The following NPAS3 variants were observed in gnomAD, a reference collection of about 807,000 sequenced individuals.
The protein encoded by NPAS3 is neuronal PAS domain-containing protein 3.
NPAS3 carries 14 observed loss-of-function variants against 73.1 expected under a neutral mutation model. That is an observed-to-expected ratio of 0.19 (90% CI 0.13 to 0.30). The LOEUF (loss-of-function observed/expected upper bound fraction) is 0.30. Among genes scored for constraint, NPAS3 ranks in the 10% least tolerant of loss-of-function variants. The pLI is 1.00. For synonymous variants in NPAS3, 620 were observed against 541.5 expected (o/e 1.14, Z -2.01); for missense variants, 1,096 against 1,250.0 (o/e 0.88, Z 1.86).
At chr14:33,147,572 G>A (rs932334984) in intron 2 of NPAS3, among the ~76,000 whole-genome samples, 2 of 150,860 alleles carry the variant, frequency 1.3e-5, no homozygotes, top group African/African-American at 2.4e-5. Flanking sequence ...ATCACACACC[G>A]GGGCCTGTTG....
At chr14:33,185,143 A>T (rs1368051128) in intron 2 of NPAS3, among the ~76,000 whole-genome samples, 1 of 152,188 alleles carries the variant, frequency 6.6e-6, no homozygotes, top group East Asian at 1.9e-4. Context: ...CCTTTTCAGG[A>T]TTCTTATCGT....
chr14:33,555,358 C>A (rs2055305562), intron 4 of NPAS3, among the ~76,000 whole-genome samples: 2 of 152,176 alleles, frequency 1.3e-5, no homozygotes, highest in African/African-American at 4.8e-5. Context: ...AGTTAATAAT[C>A]AGAAAATTCT....
intron 4 of NPAS3, among the ~76,000 whole-genome samples, chr14:33,541,096 G>GGGGTGT (rs1555409250): frequency 0.046 from 6,593 of 142,796 alleles, 219 homozygotes; most frequent in African/African-American, 0.092. Context: ...TATGTTTAGA[G>GGGGTGT]GTGTGTGTGT....
intron 2 of NPAS3, among the ~76,000 whole-genome samples, chr14:33,116,017 A>G (rs2043054219): frequency 6.6e-6 from 1 of 152,126 alleles, no homozygotes; most frequent in Non-Finnish European, 1.5e-5. Flanking sequence ...TATTTGCAAT[A>G]CACAGATGGG....
At chr14:33,487,887 A>G (rs984208094) in intron 4 of NPAS3, among the ~76,000 whole-genome samples, 1 of 152,170 alleles carries the variant, frequency 6.6e-6, no homozygotes, top group East Asian at 1.9e-4. Flanking sequence ...GAGTTACTGA[A>G]TAATTATTTC....
chr14:33,143,697 C>T (rs2044142095), intron 2 of NPAS3, among the ~76,000 whole-genome samples: 1 of 152,120 alleles, frequency 6.6e-6, no homozygotes, highest in Non-Finnish European at 1.5e-5. Flanking sequence ...AATGAAACCT[C>T]ATACCCATTA....
chr14:33,239,900 C>T (rs1481658724), intron 3 of NPAS3, among the ~76,000 whole-genome samples: 5 of 151,552 alleles, frequency 3.3e-5, no homozygotes, highest in African/African-American at 9.7e-5. Context: ...GTGCAGTAAC[C>T]GAAGAAAAAC....
At chr14:33,642,588 CA>C (rs1333420039) in intron 5 of NPAS3, among the ~76,000 whole-genome samples, 1 of 152,170 alleles carries the variant, frequency 6.6e-6, no homozygotes, top group Non-Finnish European at 1.5e-5. Flanking sequence ...TCTGCAGGAA[CA>C]GTGTAGGGTC....
intron 2 of NPAS3, among the ~76,000 whole-genome samples, chr14:33,192,753 A>C (rs1040264987): frequency 1.3e-5 from 2 of 152,220 alleles, no homozygotes; most frequent in Non-Finnish European, 2.9e-5. Context: ...AAATTGAATT[A>C]ATTGCTCTTC....
chr14:33,791,222 A>G (rs1022553347), intron 9 of NPAS3, among the ~76,000 whole-genome samples: 1 of 152,208 alleles, frequency 6.6e-6, no homozygotes, highest in African/African-American at 2.4e-5. Flanking sequence ...TATTCACCAC[A>G]GGAAGTCAAG....
chr14:33,296,687 AT>A (rs1239703623), intron 3 of NPAS3, among the ~76,000 whole-genome samples: 1 of 152,226 alleles, frequency 6.6e-6, no homozygotes. Flanking sequence ...TAGCCACAGA[AT>A]TCTGAGTAGA....
At chr14:33,576,740 G>C (rs775163875) in intron 5 of NPAS3, among the ~76,000 whole-genome samples, 1 of 152,112 alleles carries the variant, frequency 6.6e-6, no homozygotes, top group Non-Finnish European at 1.5e-5. Flanking sequence ...CTTCTGATAC[G>C]AATCGAGAAT....
At chr14:33,009,814 T>A (rs2039127660) in intron 1 of NPAS3, among the ~76,000 whole-genome samples, 1 of 152,064 alleles carries the variant, frequency 6.6e-6, no homozygotes, top group Non-Finnish European at 1.5e-5. Flanking sequence ...ACACTTTCTG[T>A]CTAACTCCAG....
At position 32,943,726 on chromosome 14, in the gene NPAS3, C is replaced by G. The variant is rs1010941533; in HGVS notation, c.50+4360C>G. Among the ~76,000 whole-genome samples, 5 of 128,114 alleles carry G rather than the reference C, an allele frequency of 3.9e-5. No individual in the cohort carries two copies. In the East Asian group the frequency reaches 9.5e-4, roughly 24 times the overall value. 84.0% of individuals were successfully genotyped at this position (128,114 alleles called of 152,430 possible). A position where few individuals can be genotyped will look rare whatever the true frequency, so the allele number is the denominator to read the frequency against. Reference sequence around the variant, plus strand: ...TTTTTTTTTTAGACAGAGTCTTGCTCTGTTGCCCAGGCATGCTGGAGTGCA... The same window carrying G: ...TTTTTTTTTTAGACAGAGTCTTGCTGTGTTGCCCAGGCATGCTGGAGTGCA... On this transcript the variant is annotated intron_variant, in intron 1 of 11. Transcript: ENST00000356141.
At chr14:33,593,558 G>A (rs909215318) in intron 5 of NPAS3, among the ~76,000 whole-genome samples, 1 of 152,166 alleles carries the variant, frequency 6.6e-6, no homozygotes, top group Non-Finnish European at 1.5e-5. Context: ...AGCCAGCCCT[G>A]AGTCCATTCT....
chr14:32,989,365 C>A (rs1566437229), intron 1 of NPAS3, among the ~76,000 whole-genome samples: 1 of 152,148 alleles, frequency 6.6e-6, no homozygotes, highest in Non-Finnish European at 1.5e-5. Context: ...AAGTTTGTGG[C>A]CGGGCACGGT....
chr14:33,373,360 A>G (rs2046176218), intron 4 of NPAS3, among the ~76,000 whole-genome samples: 1 of 149,944 alleles, frequency 6.7e-6, no homozygotes, highest in Non-Finnish European at 1.5e-5. Context: ...GTTTGTATTC[A>G]TTGTCAGCAT....
intron 7 of NPAS3, among the ~76,000 whole-genome samples, chr14:33,752,818 C>T (rs117322794): frequency 0.023 from 3,522 of 152,232 alleles, 62 homozygotes; most frequent in South Asian, 0.073. Flanking sequence ...GGCCTACCAT[C>T]TGTCTTTCTG....
intron 4 of NPAS3, among the ~76,000 whole-genome samples, chr14:33,406,112 C>G (rs2047655565): frequency 6.6e-6 from 1 of 152,072 alleles, no homozygotes. Flanking sequence ...AAGATGTCAT[C>G]AGTGTCTTGA....
Sources: allele counts gnomAD v4.1 joint callset (sites outside exome capture counted in the v4.1 genomes callset), GRCh38; gene constraint gnomAD v4.1.1; transcripts MANE v1.5; gene names NCBI Gene and HGNC (gene_info 2026-07-23, HGNC 2026-07-21).